POLRMT: variants seen among roughly 807,000 people sequenced by gnomAD.
The protein encoded by POLRMT is RNA polymerase mitochondrial.
Under a neutral mutation model 132.2 loss-of-function variants are expected in POLRMT, and 114 were observed. That is an observed-to-expected ratio of 0.86 (90% CI 0.74 to 1.01). The LOEUF (loss-of-function observed/expected upper bound fraction) is 1.01. Ranked by LOEUF, POLRMT falls within the 50% of genes least tolerant of loss-of-function variation. POLRMT has a pLI of 0.00. For missense variants in POLRMT, 2,003 were observed against 1,729.1 expected, an observed-to-expected ratio of 1.16 and a Z score of -2.81; for synonymous variants, 1,020 against 773.4, an observed-to-expected ratio of 1.32 and a Z score of -5.29.
rs376907483 is a variant in POLRMT at position 621,603 on chromosome 19, G to A, written c.2095C>T (p.Leu699Phe). 2 of 1,502,960 alleles carry A rather than the reference G, an allele frequency of 1.3e-6. No homozygotes were observed. The highest frequency in any genetic ancestry group is 1.4e-5 in the African/African-American group (1 of 71,776). The allele number at this position is 1,502,960 out of a possible 1,614,324, so 93.1% of individuals were successfully genotyped here. Residue 699 changes from leucine (L) to phenylalanine (F), a missense_variant, in exon 10 of 21, where the codon CTC becomes TTC. Coordinates refer to ENST00000588649, the MANE Select transcript of POLRMT (RefSeq NM_005035.4). Reference sequence around the variant, plus strand: ...CAGGCGCAGTTGCCCAGTTGGGTGAGGGCGTCCAGTGCGCCATGCAGCGCG... The same window carrying A: ...CAGGCGCAGTTGCCCAGTTGGGTGAAGGCGTCCAGTGCGCCATGCAGCGCG... ...PTALHGALDA[L>F]TQLGNCAWRV...
Position 618,806 on chromosome 19 carries a change from G to A in POLRMT, c.3268-46C>T, listed in dbSNP as rs55840724. The stretch of plus-strand genomic sequence containing the variant: ...GTGAGTCCCACCCGAGGCCCAGCAC[G>A]GTGGTGGTACATTGAGGTGGTGGTA... On this transcript the variant is annotated intron_variant, in intron 15 of 20. Transcript: ENST00000588649. The A allele has an allele frequency of 7.0e-4, 1,079 of 1,544,880 alleles. 6 individuals are homozygous for A. The African/African-American group carries it at 0.012, about 17-fold the overall frequency.
intron 3 of POLRMT, chr19:625,578 GCCTT>G: frequency 3.8e-6 from 1 of 261,662 alleles, no homozygotes; most frequent in Non-Finnish European, 7.2e-6. Flanking sequence ...TGCTGTTTCT[GCCTT>G]CCATTTCATC....
At chr19:624,519 C>A (rs940956461) in intron 5 of POLRMT, among the ~76,000 whole-genome samples, 200 bp downstream of exon 5, 1 of 152,276 alleles carries the variant, frequency 6.6e-6, no homozygotes, top group East Asian at 1.9e-4. Context: ...CACCTCGTCC[C>A]CCTGAGCCCA....
At chr19:625,099 TG>T in intron 4 of POLRMT, 24 bp downstream of exon 4, 4 of 1,601,244 alleles carry the variant, frequency 2.5e-6, no homozygotes, top group South Asian at 1.1e-5. Context: ...TGGTGGGGGG[TG>T]GGGGCCCTCC....
At position 624,809 on chromosome 19, in the gene POLRMT, G is replaced by A. The variant is rs766911519; in HGVS notation, c.1050C>T (p.Ala350=). 3.2e-5 allele frequency: 52 copies of A among 1,613,344 alleles called. No homozygotes were observed. Among genetic ancestry groups the A allele is most frequent in the African/African-American group, 1.5e-4 (11 of 74,940 alleles). The change falls in exon 5 of 21, where the codon GCC becomes GCT. Residue 350 remains alanine (A), a synonymous_variant. Transcript: ENST00000588649. ...TGAAGGTGGGCTTCACCTTGTGCAC[G>A]GCCTTCAGAACAGTGGCCCGATCCT... ...SEEDRATVLK[A]VHKVKPTFSL...
chr19:620,292 C>T, intron 11 of POLRMT, 73 bp downstream of exon 11: 3 of 1,474,984 alleles, frequency 2.0e-6, no homozygotes, highest in African/African-American at 1.4e-5. Context: ...AAGGTGAAAT[C>T]TCACACCCTC....
chr19:620,500 C>T lies in POLRMT; in HGVS notation c.2641-13G>A, dbSNP rs916889812. ...ACCACTTTCGGCCCTGCGGGGACAG[C>T]GGATGGGGGGCAGTGAGGCCCGGGC... is the stretch of plus-strand genomic sequence containing the variant. On this transcript the variant is annotated splice_polypyrimidine_tract_variant and intron_variant, in intron 10 of 20. Transcript: ENST00000588649. The T allele has an allele frequency of 1.3e-6, 2 of 1,560,468 alleles. No individual in the cohort carries two copies. Among genetic ancestry groups the T allele is most frequent in the Admixed American group, 1.9e-5 (1 of 53,402 alleles).
chr19:626,898 C>CACACAT (rs371959370), intron 3 of POLRMT, among the ~76,000 whole-genome samples: 83 of 146,696 alleles, frequency 5.7e-4, no homozygotes, highest in Non-Finnish European at 3.3e-4. Flanking sequence ...CACACACACA[C>CACACAT]ATATATATAT....
intron 3 of POLRMT, among the ~76,000 whole-genome samples, chr19:629,107 A>C (rs1985224322): frequency 6.6e-6 from 1 of 152,224 alleles, no homozygotes; most frequent in Non-Finnish European, 1.5e-5. Flanking sequence ...AGCTGTGCTC[A>C]GAGGGAATGC....
chr19:624,115 C>T (rs376796039), intron 5 of POLRMT, among the ~76,000 whole-genome samples: 1 of 152,346 alleles, frequency 6.6e-6, no homozygotes, highest in East Asian at 1.9e-4. Flanking sequence ...ACGGGCACGG[C>T]GCGGCCATCC....
At position 617,846 on chromosome 19, in the gene POLRMT, C is replaced by G. The variant is rs779545393; in HGVS notation, c.3426G>C (p.Lys1142Asn). Reference protein sequence around the residue: ...MMLTALHCYRKGLTFVSVHDC... With the variant: ...MMLTALHCYRNGLTFVSVHDC... ...CGTGCACAGAGACGAAGGTCAGGCC[C>G]TTCCTGTGGCAGAGCGGAGGACTCC... Residue 1142 changes from lysine to asparagine, a missense_variant, in exon 18 of 21, where the codon AAG becomes AAC. Transcript: ENST00000588649. The G allele has an allele frequency of 1.9e-6, 3 of 1,612,990 alleles. No individual in the cohort carries two copies. The highest frequency in any genetic ancestry group is 1.3e-5 in the African/African-American group (1 of 74,888).
chr19:627,411 C>T (rs1234614733), intron 3 of POLRMT, among the ~76,000 whole-genome samples: 2 of 151,814 alleles, frequency 1.3e-5, no homozygotes. Context: ...CTCAGCCTCC[C>T]AAAGTGCTGG....
chr19:617,809 T>C lies in POLRMT; in HGVS notation c.3463A>G (p.Thr1155Ala). The C allele has an allele frequency of 6.2e-7, 1 of 1,612,996 alleles. No homozygotes were observed. The change falls in exon 18 of 21, where the codon ACT (threonine) becomes GCT (alanine). Residue 1155 changes from threonine to alanine, a missense_variant. Transcript: ENST00000588649. ...ATGACGGAGACATCAGCTGCGTGAG[T>C]CCAGTAACAGTCGTGCACAGAGACG... ...TFVSVHDCYW[T>A]HAADVSVMNQ...
At position 617,233 on chromosome 19, in the gene POLRMT, CAA is replaced by C; in HGVS notation, c.*39_*40del. Reference sequence around the variant, plus strand: ...TGAAGACAGTGGCTCCTGGGGGTGGCAAAAGAGCTTTATTTACACACTGACAA... The same window carrying C: ...TGAAGACAGTGGCTCCTGGGGGTGGCAAGAGCTTTATTTACACACTGACAA... On this transcript the variant is annotated 3_prime_UTR_variant, in exon 21 of 21. Coordinates refer to ENST00000588649, the MANE Select transcript of POLRMT (RefSeq NM_005035.4). 3 of 1,609,200 alleles carry C rather than the reference CAA, an allele frequency of 1.9e-6. No homozygotes were observed. The African/African-American group carries it at 4.0e-5, about 21-fold the overall frequency.
rs1358767857 is a variant in POLRMT, at chr19:618,885, C to CACACTGGGGCGGTGGT, written c.3267+96_3267+111dup. 10 of 1,356,972 alleles carry CACACTGGGGCGGTGGT rather than the reference C, an allele frequency of 7.4e-6. No homozygotes were observed. The African/African-American group carries it at 8.7e-5, about 12-fold the overall frequency. The allele number at this position is 1,356,972 out of a possible 1,614,324, so 84.1% of individuals were successfully genotyped here. ...GGCACACTGGCGCGGGATGGGGTGGCACACTGGGGCGGTGGTACACTGGGG... is the reference window on the plus strand; with the variant it reads ...GGCACACTGGCGCGGGATGGGGTGGCACACTGGGGCGGTGGTACACTGGGGCGGTGGTACACTGGGG... On this transcript the variant is annotated intron_variant, in intron 15 of 20. Transcript: ENST00000588649.
chr19:617,223 C>T lies in POLRMT; in HGVS notation c.*51G>A, dbSNP rs1362052360. 3.1e-6 allele frequency: 5 copies of T among 1,600,636 alleles called. No individual in the cohort carries two copies. The highest frequency in any genetic ancestry group is 1.3e-5 in the African/African-American group (1 of 74,796). Reference sequence around the variant, plus strand: ...GCACCCTTCCTGAAGACAGTGGCTCCTGGGGGTGGCAAAAGAGCTTTATTT... The same window carrying T: ...GCACCCTTCCTGAAGACAGTGGCTCTTGGGGGTGGCAAAAGAGCTTTATTT... On this transcript the variant is annotated 3_prime_UTR_variant, in exon 21 of 21. Coordinates refer to ENST00000588649, the MANE Select transcript of POLRMT (RefSeq NM_005035.4).
chr19:624,062 C>A (rs184303423), intron 5 of POLRMT, among the ~76,000 whole-genome samples: 283 of 152,344 alleles, frequency 1.9e-3, no homozygotes, highest in Middle Eastern at 3.4e-3. Flanking sequence ...GACTCGCAGT[C>A]GATAAGTAGA....
In POLRMT at chr19:618,310, GGA is replaced by G; in HGVS notation, c.3422+176_3422+177del. 5.0e-6 allele frequency: 3 copies of G among 594,212 alleles called. No homozygotes were observed. In the South Asian group the frequency reaches 6.6e-5, roughly 13 times the overall value. 36.8% of individuals were successfully genotyped at this position (594,212 alleles called of 1,614,324 possible). On this transcript the variant is annotated intron_variant, in intron 17 of 20. Transcript: ENST00000588649. The stretch of plus-strand genomic sequence containing the variant: ...TCGGGCCACAGGAGGGGAGCTGCCA[GGA>G]CCACCTACATTCGGGGCACACAGCC...
intron 3 of POLRMT, among the ~76,000 whole-genome samples, chr19:628,386 G>A (rs1351069850): frequency 6.6e-6 from 1 of 152,212 alleles, no homozygotes; most frequent in African/African-American, 2.4e-5. Context: ...CTGCAGCAAG[G>A]AGGAACCAGG....
Sources: allele counts gnomAD v4.1 joint callset (sites outside exome capture counted in the v4.1 genomes callset), GRCh38; gene constraint gnomAD v4.1.1; transcripts MANE v1.5; gene names NCBI Gene and HGNC (gene_info 2026-07-23, HGNC 2026-07-21).